The following ERLEC1 variants were observed in gnomAD, a reference collection of about 807,000 sequenced individuals.
The protein encoded by ERLEC1 is ER lectin.
Under a neutral mutation model 68.0 loss-of-function variants are expected in ERLEC1, and 47 were observed. The observed-to-expected ratio is 0.69, with a 90% CI of 0.55 to 0.88. The LOEUF (loss-of-function observed/expected upper bound fraction) is 0.88, where lower values mean the gene tolerates loss of function less well. Ranked by LOEUF, ERLEC1 falls within the 40% of genes least tolerant of loss-of-function variation. The probability of loss-of-function intolerance (pLI) is 0.00; values close to 1 mark genes in which losing one functional copy is unlikely to be tolerated. For synonymous variants in ERLEC1, 225 were observed against 203.2 expected (o/e 1.11, Z -0.91); for missense variants, 567 against 583.8 (o/e 0.97, Z 0.30).
intron 13 of ERLEC1, among the ~76,000 whole-genome samples, chr2:53,817,133 T>C (rs1676938639): frequency 7.7e-6 from 1 of 129,798 alleles, no homozygotes; most frequent in Admixed American, 7.9e-5. Flanking sequence ...GTTTTTTATT[T>C]ACTTATTTTT....
chr2:53,795,725 C>A (rs1337134133), intron 2 of ERLEC1, among the ~76,000 whole-genome samples: 1 of 152,108 alleles, frequency 6.6e-6, no homozygotes, highest in Non-Finnish European at 1.5e-5. Flanking sequence ...AAAGCATGAA[C>A]TCTGTGAAGA....
At chr2:53,815,311 G>A (rs1676820488) in intron 13 of ERLEC1, among the ~76,000 whole-genome samples, 1 of 151,946 alleles carries the variant, frequency 6.6e-6, no homozygotes, top group African/African-American at 2.4e-5. Flanking sequence ...CGGCTGCCAT[G>A]TTTTAATTTT....
rs1378884704 is a variant in ERLEC1, at chr2:53,818,365, T to A, written c.*396T>A. ...TAAGTAGCTAATGAAGTAAAGATCATGAAGAAAGAAATTGATAGGTGTAAA... is the reference window on the plus strand; with the variant it reads ...TAAGTAGCTAATGAAGTAAAGATCAAGAAGAAAGAAATTGATAGGTGTAAA... On this transcript the variant is annotated 3_prime_UTR_variant, in exon 14 of 14. Transcript: ENST00000185150. 1.3e-5 allele frequency: 2 copies of A among 154,944 alleles called. No individual in the cohort carries two copies. Among genetic ancestry groups the A allele is most frequent in the Non-Finnish European group, 2.9e-5 (2 of 69,680 alleles). The allele number at this position is 154,944 out of a possible 1,614,324, so 9.6% of individuals were successfully genotyped here.
chr2:53,795,406 A>C (rs1295606849), intron 2 of ERLEC1, among the ~76,000 whole-genome samples: 1 of 152,238 alleles, frequency 6.6e-6, no homozygotes, highest in Non-Finnish European at 1.5e-5. Flanking sequence ...GGTTTTGTTC[A>C]GATTTGAAAT....
intron 5 of ERLEC1, 53 bp downstream of exon 5, chr2:53,797,848 T>C (rs1365719743): frequency 3.5e-6 from 5 of 1,440,698 alleles, no homozygotes; most frequent in Admixed American, 1.9e-5. Context: ...GTTTAAAATA[T>C]ATGTTCAAAA....
chr2:53,789,679 A>AT (rs1005075445), intron 1 of ERLEC1, among the ~76,000 whole-genome samples: 48 of 151,952 alleles, frequency 3.2e-4, no homozygotes, highest in Non-Finnish European at 5.7e-4. Context: ...TGGTCTTTTG[A>AT]TTTTTTTTAA....
intron 1 of ERLEC1, among the ~76,000 whole-genome samples, chr2:53,792,222 T>G (rs1391068589): frequency 1.3e-5 from 2 of 151,438 alleles, no homozygotes; most frequent in Non-Finnish European, 2.9e-5. Flanking sequence ...AGGCCTTTTT[T>G]TTTTTTTTTT....
intron 8 of ERLEC1, 31 bp from the exon 9 acceptor site, chr2:53,808,268 G>A: frequency 6.3e-7 from 1 of 1,576,736 alleles, no homozygotes; most frequent in Middle Eastern, 1.7e-4. Context: ...GTTTGGCATG[G>A]AAACCCTTAA....
intron 1 of ERLEC1, among the ~76,000 whole-genome samples, chr2:53,791,913 A>T (rs1675415404): frequency 8.1e-6 from 1 of 122,718 alleles, no homozygotes; most frequent in Non-Finnish European, 2.0e-5. Flanking sequence ...TTTTAAAAAA[A>T]AAAAAAAAAA....
intron 5 of ERLEC1, among the ~76,000 whole-genome samples, chr2:53,798,622 T>C (rs1197506115): frequency 6.6e-6 from 1 of 151,622 alleles, no homozygotes; most frequent in Non-Finnish European, 1.5e-5. Context: ...CAGAAAATAG[T>C]GAAAACAATG....
Position 53,808,506 on chromosome 2 carries a change from C to T in ERLEC1, c.1041+46C>T, listed in dbSNP as rs760199537. On this transcript the variant is annotated intron_variant, in intron 9 of 13. Coordinates refer to ENST00000185150, the MANE Select transcript of ERLEC1 (RefSeq NM_015701.5). ...TTAAATATTTATTTTACAACTTTAC[C>T]TGCCAGGTATGGTCAGTGGGCATCA... The T allele has an allele frequency of 1.0e-5, 16 of 1,592,234 alleles. No homozygotes were observed. In the East Asian group the frequency reaches 3.6e-4, roughly 36 times the overall value.
chr2:53,790,001 A>G lies in ERLEC1; in HGVS notation c.162+2629A>G, dbSNP rs956518395. ...GCCACTGCACTCCATCCTGGGCGAC[A>G]GAGGAGTCTGTCTCAAAAAAAAAAA... is the stretch of plus-strand genomic sequence containing the variant. On this transcript the variant is annotated intron_variant, in intron 1 of 13. Transcript: ENST00000185150. Among the ~76,000 whole-genome samples the G allele has an allele frequency of 2.7e-4, 40 of 148,660 alleles. 1 individual carries two copies. Among genetic ancestry groups the G allele is most frequent in the Admixed American group, 8.1e-4 (12 of 14,772 alleles).
chr2:53,787,884 G>A (rs1675152974), intron 1 of ERLEC1, among the ~76,000 whole-genome samples: 1 of 152,190 alleles, frequency 6.6e-6, no homozygotes, highest in South Asian at 2.1e-4. Context: ...TCCTTTCCTA[G>A]TTGTTTCTGA....
At position 53,817,975 on chromosome 2, in the gene ERLEC1, A is replaced by T; in HGVS notation, c.*6A>T. The T allele has an allele frequency of 1.3e-6, 2 of 1,509,666 alleles. No homozygotes were observed. The highest frequency in any genetic ancestry group is 1.8e-6 in the Non-Finnish European group (2 of 1,085,260). 93.5% of individuals were successfully genotyped at this position (1,509,666 alleles called of 1,614,324 possible). The stretch of plus-strand genomic sequence containing the variant: ...TTCTTTCTCTCCCCAACTAAAGGAT[A>T]TTAAAGTTAGGGGAAAGAAAAGATC... On this transcript the variant is annotated 3_prime_UTR_variant, in exon 14 of 14. Transcript: ENST00000185150.
chr2:53,809,431 A>T (rs1676470817), intron 10 of ERLEC1, among the ~76,000 whole-genome samples, 158 bp downstream of exon 10: 2 of 152,234 alleles, frequency 1.3e-5, no homozygotes, highest in African/African-American at 4.8e-5. Flanking sequence ...AAAATGGAAC[A>T]TTTGGCATTA....
intron 1 of ERLEC1, among the ~76,000 whole-genome samples, chr2:53,790,930 G>T (rs976947507): frequency 6.6e-6 from 1 of 152,070 alleles, no homozygotes; most frequent in Non-Finnish European, 1.5e-5. Context: ...TTACTTTATA[G>T]AGTTCAGAGA....
rs140582485 is a variant in ERLEC1, at chr2:53,817,045, C to T, written c.1381-853C>T. 2.0e-5 allele frequency among the ~76,000 whole-genome samples: 3 copies of T among 152,186 alleles called. No individual in the cohort carries two copies. In the East Asian group the frequency reaches 5.8e-4, roughly 29 times the overall value. ...CAAACTTGTTAATTTCTCTGCTGTG[C>T]CCAGTCCATTGAATGAATTTATCAC... On this transcript the variant is annotated intron_variant, in intron 13 of 13. Coordinates refer to ENST00000185150, the MANE Select transcript of ERLEC1 (RefSeq NM_015701.5).
chr2:53,789,531 G>T (rs1675270656), intron 1 of ERLEC1, among the ~76,000 whole-genome samples: 1 of 152,136 alleles, frequency 6.6e-6, no homozygotes, highest in Admixed American at 6.5e-5. Flanking sequence ...GAACAGCGAG[G>T]ACTACAGGTG....
chr2:53,795,793 G>T, intron 2 of ERLEC1, 140 bp from the exon 3 acceptor site: 1 of 574,020 alleles, frequency 1.7e-6, no homozygotes. Context: ...GCGTACCGTA[G>T]GGTCTTGTTA....
Sources: gnomAD v4.1 joint callset for allele counts (sites outside exome capture counted in the v4.1 genomes callset) on GRCh38, gnomAD v4.1.1 for gene constraint, MANE v1.5 for transcripts, NCBI Gene and HGNC (gene_info 2026-07-23, HGNC 2026-07-21) for gene names.